PLCH2: variants seen among roughly 807,000 people sequenced by gnomAD.
PLCH2 encodes the protein phospholipase C eta 2, also known as 1-phosphatidylinositol 4,5-bisphosphate phosphodiesterase eta-2.
A neutral mutation model predicts 134.7 loss-of-function variants in PLCH2; 98 were observed. The ratio of observed to expected loss-of-function variants is 0.73; its 90% confidence interval spans 0.62 to 0.86. The LOEUF is 0.86. PLCH2 is among the 40% of genes least tolerant of loss of function. The pLI is 0.00. For synonymous variants in PLCH2, 974 were observed against 827.5 expected (o/e 1.18, Z -3.04); for missense variants, 1,994 against 1,986.6 (o/e 1.00, Z -0.07).
chr1:2,504,282 G>T lies in PLCH2; in HGVS notation c.3320G>T (p.Gly1107Val), dbSNP rs780788333. ...EGQVPTEPLG[G>V]WRPLAAPFPA... ...CAGGTGCCCACGGAGCCCCTGGGAG[G>T]GTGGCGGCCCCTGGCCGCTCCCTTT... Residue 1107 changes from glycine (G) to valine (V), a missense_variant, in exon 22 of 22, where the codon GGG (glycine) becomes GTG (valine). Physicochemically the swap from Gly to Val is moderately radical, Grantham distance 109. Around this residue, in one of 2 missense-constraint regions of PLCH2, gnomAD observed 900 missense variants for 752.3 expected, o/e 1.20. Coordinates refer to ENST00000378486, the MANE Select transcript of PLCH2 (RefSeq NM_014638.4). 6.3e-6 allele frequency: 10 copies of T among 1,594,876 alleles called. No individual in the cohort carries two copies. Among genetic ancestry groups the T allele is most frequent in the Non-Finnish European group, 8.5e-7 (1 of 1,173,012 alleles).
At chr1:2,483,831 TGGGGGTGGCGCTGACCCCCGTG>T (rs1642119995) in intron 4 of PLCH2, among the ~76,000 whole-genome samples, 2 of 70,716 alleles carry the variant, frequency 2.8e-5, no homozygotes, top group African/African-American at 1.4e-4. Flanking sequence ...GACCCCCGTG[TGGGGGTGGCGCTGACCCCCGTG>T]TGGGGTGGCG....
upstream of PLCH2, among the ~76,000 whole-genome samples, chr1:2,424,038 G>C (rs1638652047): frequency 6.6e-6 from 1 of 151,978 alleles, no homozygotes; most frequent in Non-Finnish European, 1.5e-5. Context: ...ATGAGCCTCT[G>C]TGCCCGGCCT....
intron 4 of PLCH2, among the ~76,000 whole-genome samples, chr1:2,480,575 C>A (rs926574503): frequency 1.3e-5 from 2 of 151,846 alleles, no homozygotes; most frequent in East Asian, 1.9e-4. Flanking sequence ...GGAAAGTGGT[C>A]GGGGCACCTG....
In PLCH2 at chr1:2,502,092, A is replaced by C. The variant is rs1558036183; in HGVS notation, c.2662-20A>C. ...GGCTGGGACCCCTGGCAACAGCTAC[A>C]TGGGCTCCTTCTCTTGCAGGTCAAG... On this transcript the variant is annotated intron_variant, in intron 20 of 21. Transcript: ENST00000378486. 1 of 1,423,932 alleles carries C rather than the reference A, an allele frequency of 7.0e-7. No homozygotes were observed. The highest frequency in any genetic ancestry group is 9.1e-7 in the Non-Finnish European group (1 of 1,093,192). The allele number at this position is 1,423,932 out of a possible 1,614,324, so 88.2% of individuals were successfully genotyped here.
At chr1:2,474,225 G>A (rs1262558843), upstream of PLCH2, among the ~76,000 whole-genome samples, 1 of 152,026 alleles carries the variant, frequency 6.6e-6, no homozygotes, top group African/African-American at 2.4e-5. Context: ...CGTGGGGAGG[G>A]GTTCTTAAGT....
At chr1:2,453,666 C>G (rs1640350368) in intron 2 of PLCH2, among the ~76,000 whole-genome samples, 1 of 152,208 alleles carries the variant, frequency 6.6e-6, no homozygotes, top group South Asian at 2.1e-4. Context: ...GAGCAGAGCC[C>G]CATCCTCCCA....
intron 2 of PLCH2, among the ~76,000 whole-genome samples, chr1:2,445,220 G>A (rs1323756597): frequency 6.6e-6 from 1 of 152,146 alleles, no homozygotes; most frequent in Non-Finnish European, 1.5e-5. Context: ...GGTGCCTGTG[G>A]CTGTGCTGAG....
chr1:2,418,708 G>A, the PLCH2 span, among the ~76,000 whole-genome samples: 8 of 152,138 alleles, frequency 5.3e-5, no homozygotes, highest in Admixed American at 1.3e-4. Flanking sequence ...GAGCCTGCCC[G>A]CCTGCCTCCG....
At chr1:2,442,576 G>T (rs1639740681) in intron 2 of PLCH2, among the ~76,000 whole-genome samples, 1 of 152,212 alleles carries the variant, frequency 6.6e-6, no homozygotes, top group Admixed American at 6.5e-5. Flanking sequence ...CCCTTTCTCA[G>T]CTCTGGCGAG....
chr1:2,415,985 G>T, the PLCH2 span, among the ~76,000 whole-genome samples: 2 of 152,248 alleles, frequency 1.3e-5, no homozygotes, highest in African/African-American at 4.8e-5. Context: ...GGCCGGGGAG[G>T]AGAGGGAGCT....
At chr1:2,474,501 G>T (rs948861109), upstream of PLCH2, among the ~76,000 whole-genome samples, 18 of 152,148 alleles carry the variant, frequency 1.2e-4, no homozygotes, top group African/African-American at 4.3e-4. Flanking sequence ...ACGTTGTGGG[G>T]CTGGGGCCAG....
chr1:2,503,147 G>T (rs994806965), intron 21 of PLCH2: 2 of 648,216 alleles, frequency 3.1e-6, no homozygotes, highest in African/African-American at 1.8e-5. Flanking sequence ...TTTGAGGCCC[G>T]ACAGGCTGGG....
intron 12 of PLCH2, 135 bp from the exon 13 acceptor site, chr1:2,495,353 C>G: frequency 1.4e-6 from 1 of 696,858 alleles, no homozygotes; most frequent in Non-Finnish European, 2.4e-6. Context: ...CAGGCCCAGC[C>G]AGGCGGGATG....
chr1:2,483,886 T>A (rs1415562410), intron 4 of PLCH2, among the ~76,000 whole-genome samples: 1 of 114,460 alleles, frequency 8.7e-6, no homozygotes, highest in Non-Finnish European at 1.8e-5. Context: ...TGGGTGGCGC[T>A]GACTCCCGTG....
upstream of PLCH2, among the ~76,000 whole-genome samples, chr1:2,474,767 C>G (rs1641524645): frequency 6.6e-6 from 1 of 152,156 alleles, no homozygotes; most frequent in Non-Finnish European, 1.5e-5. Context: ...GGAAGGAGAA[C>G]TGGACCCCCT....
At chr1:2,442,181 C>T (rs1394955486) in intron 2 of PLCH2, among the ~76,000 whole-genome samples, 1 of 152,122 alleles carries the variant, frequency 6.6e-6, no homozygotes, top group African/African-American at 2.4e-5. Context: ...TTGGGGGAGT[C>T]AGAAACCTCC....
rs1640022002 is a variant in PLCH2 at position 2,448,053 on chromosome 1, T to G, written c.115+17424T>G. ...GTGCCCCTGGCTGCTGTGGTCCTTT[T>G]TCCCTGGTCGTGGCCTCCAGGCAGC... is the stretch of plus-strand genomic sequence containing the variant. On this transcript the variant is annotated intron_variant, in intron 2 of 3. Coordinates refer to the PLCH2 transcript ENST00000609981. This position sits in a 1 kb window ranked among gnomAD's most constrained non-coding sequence, Gnocchi z 4.0. Among the ~76,000 whole-genome samples the G allele has an allele frequency of 6.6e-6, 1 of 152,146 alleles. No homozygotes were observed. The highest frequency in any genetic ancestry group is 1.5e-5 in the Non-Finnish European group (1 of 68,006).
intron 13 of PLCH2, 124 bp downstream of exon 13, chr1:2,495,694 C>A: frequency 3.1e-6 from 2 of 643,432 alleles, no homozygotes; most frequent in Non-Finnish European, 5.3e-6. Flanking sequence ...CCCTTCTTGG[C>A]CCCTGGAAGC....
intron 4 of PLCH2, among the ~76,000 whole-genome samples, chr1:2,482,651 G>A (rs923148802): frequency 1.3e-5 from 2 of 152,160 alleles, no homozygotes; most frequent in Non-Finnish European, 2.9e-5. Flanking sequence ...CTGGGGACAG[G>A]GACAAAGGGG....
Sources: allele counts gnomAD v4.1 joint callset (sites outside exome capture counted in the v4.1 genomes callset), GRCh38; gene constraint gnomAD v4.1.1; regional missense constraint gnomAD v4.1.1; non-coding constraint Gnocchi (gnomAD v3.1); transcripts MANE v1.5; gene names NCBI Gene and HGNC (gene_info 2026-07-23, HGNC 2026-07-21).